RNLS: variants seen among roughly 807,000 people sequenced by gnomAD.
RNLS encodes the protein renalase, FAD dependent amine oxidase.
RNLS carries 39 observed loss-of-function variants against 39.8 expected under a neutral mutation model. That is an observed-to-expected ratio of 0.98 (90% CI 0.76 to 1.28). RNLS has a LOEUF of 1.28. Ranked by LOEUF, RNLS falls within the 50% of genes most tolerant of loss-of-function variation. The probability of loss-of-function intolerance (pLI) is 0.00; values close to 1 mark genes in which losing one functional copy is unlikely to be tolerated. For synonymous variants in RNLS, 147 were observed against 150.7 expected (o/e 0.98, Z 0.18); for missense variants, 410 against 413.3 (o/e 0.99, Z 0.07).
At chr10:88,528,886 G>T (rs1258339608) in intron 4 of RNLS, among the ~76,000 whole-genome samples, 1 of 150,004 alleles carries the variant, frequency 6.7e-6, no homozygotes, top group Admixed American at 6.7e-5. Context: ...GAACTAAGAA[G>T]TAATGTCTCC....
intron 5 of RNLS, among the ~76,000 whole-genome samples, chr10:88,342,535 T>TA (rs905995386): frequency 6.6e-6 from 1 of 152,158 alleles, no homozygotes; most frequent in Non-Finnish European, 1.5e-5. Context: ...GTGCTAGAGA[T>TA]ACAATGATAT....
intron 4 of RNLS, among the ~76,000 whole-genome samples, chr10:88,378,619 C>T (rs976745645): frequency 3.3e-5 from 5 of 152,138 alleles, no homozygotes; most frequent in East Asian, 1.9e-4. Flanking sequence ...AAGTAAGGAA[C>T]GCTGCACAGA....
At chr10:88,359,110 C>T (rs1345464090) in intron 5 of RNLS, among the ~76,000 whole-genome samples, 1 of 152,028 alleles carries the variant, frequency 6.6e-6, no homozygotes, top group African/African-American at 2.4e-5. Flanking sequence ...GTCAGGGGTT[C>T]AAGACCAGAC....
intron 4 of RNLS, among the ~76,000 whole-genome samples, chr10:88,495,317 C>G (rs757830841): frequency 1.4e-4 from 22 of 152,114 alleles, no homozygotes; most frequent in Admixed American, 2.6e-4. Flanking sequence ...GAAAAATAGT[C>G]AATAGAGTCA....
At chr10:88,209,203 T>C in the RNLS span, among the ~76,000 whole-genome samples, 1 of 152,214 alleles carries the variant, frequency 6.6e-6, no homozygotes, top group African/African-American at 2.4e-5. Context: ...CTGTTCTGGG[T>C]TGAATAGGGC....
At chr10:88,400,271 C>CA (rs1852831626) in intron 4 of RNLS, among the ~76,000 whole-genome samples, 1 of 151,974 alleles carries the variant, frequency 6.6e-6, no homozygotes. Flanking sequence ...TACCAATCTA[C>CA]AAGATAGAGT....
At chr10:88,544,320 A>G (rs1848188085) in intron 4 of RNLS, among the ~76,000 whole-genome samples, 1 of 152,186 alleles carries the variant, frequency 6.6e-6, no homozygotes, top group Non-Finnish European at 1.5e-5. Context: ...AAACATCTGC[A>G]TAGTTTTTCC....
rs148804973 is a variant in RNLS, at chr10:88,337,463, G to A, written c.701-22822C>T. On this transcript the variant is annotated intron_variant, in intron 5 of 6. Transcript: ENST00000331772. ...TCCATCCCTCCTGGCCACAGTGACT[G>A]GCTGGATAATGGGTACATAACTAAA... Among the ~76,000 whole-genome samples the A allele has an allele frequency of 2.1e-3, 323 of 152,292 alleles. 2 individuals are homozygous for A. Among genetic ancestry groups the A allele is most frequent in the Admixed American group, 1.2e-3 (18 of 15,304 alleles).
chr10:88,384,743 T>C (rs1851761745), intron 4 of RNLS, among the ~76,000 whole-genome samples: 1 of 152,214 alleles, frequency 6.6e-6, no homozygotes, highest in Non-Finnish European at 1.5e-5. Flanking sequence ...TGGAGAACAG[T>C]TCCCAATTCA....
At position 88,297,315 on chromosome 10, in the gene RNLS, G is replaced by C. The variant is rs144312970; in HGVS notation, c.877-11809C>G. ...TCCTTGCCAGCATTTGTCATCTTCA[G>C]AGTTTCTGATCTGAGCCGTGACTGG... is the stretch of plus-strand genomic sequence containing the variant. On this transcript the variant is annotated intron_variant, in intron 6 of 6. Coordinates refer to ENST00000331772, the MANE Select transcript of RNLS (RefSeq NM_001031709.3). Among the ~76,000 whole-genome samples the C allele has an allele frequency of 4.0e-3, 615 of 152,290 alleles. 5 individuals carry two copies. Among genetic ancestry groups the C allele is most frequent in the African/African-American group, 0.014 (587 of 41,552 alleles).
At chr10:88,257,587 C>G in the RNLS span, among the ~76,000 whole-genome samples, 1 of 152,016 alleles carries the variant, frequency 6.6e-6, no homozygotes, top group Non-Finnish European at 1.5e-5. Flanking sequence ...CAGTCAGTGC[C>G]GATGAATCCC....
At chr10:88,386,348 C>T (rs1330423804) in intron 4 of RNLS, among the ~76,000 whole-genome samples, 1 of 151,872 alleles carries the variant, frequency 6.6e-6, no homozygotes, top group African/African-American at 2.4e-5. Context: ...AACCAAAAGG[C>T]TAAAATTGGT....
intron 5 of RNLS, among the ~76,000 whole-genome samples, chr10:88,323,707 G>C (rs1047129464): frequency 6.6e-5 from 10 of 152,108 alleles, no homozygotes; most frequent in African/African-American, 2.4e-4. Flanking sequence ...AAGAATATAT[G>C]ACTAAGACCT....
At chr10:88,405,980 G>A (rs1448529499) in intron 4 of RNLS, among the ~76,000 whole-genome samples, 1 of 152,008 alleles carries the variant, frequency 6.6e-6, no homozygotes, top group Non-Finnish European at 1.5e-5. Flanking sequence ...CTTCATATAT[G>A]ATGCTTAGTT....
chr10:88,352,678 C>T (rs1848810479), intron 5 of RNLS, among the ~76,000 whole-genome samples: 1 of 152,190 alleles, frequency 6.6e-6, no homozygotes, highest in African/African-American at 2.4e-5. Flanking sequence ...TGTTGTGTCT[C>T]TGCCAGGCTT....
At chr10:88,258,826 G>A in the RNLS span, among the ~76,000 whole-genome samples, 3 of 152,324 alleles carry the variant, frequency 2.0e-5, no homozygotes, top group East Asian at 5.8e-4. Flanking sequence ...CTCTTCTGAT[G>A]TCTGGGTATT....
At chr10:88,285,529 G>T (rs376420088) in intron 6 of RNLS, 23 bp from the exon 7 acceptor site, 1 of 1,602,998 alleles carries the variant, frequency 6.2e-7, no homozygotes, top group East Asian at 2.2e-5. Context: ...AAAGAGGATT[G>T]CAATTGACAT....
intron 5 of RNLS, among the ~76,000 whole-genome samples, chr10:88,338,912 C>A (rs1847718478): frequency 1.3e-5 from 2 of 152,172 alleles, no homozygotes; most frequent in African/African-American, 2.4e-5. Flanking sequence ...CAGGCGCCCG[C>A]CACCATGCCT....
In RNLS at chr10:88,287,059, G is replaced by A. The variant is rs997166415; in HGVS notation, c.877-1553C>T. 7.2e-5 allele frequency among the ~76,000 whole-genome samples: 11 copies of A among 152,224 alleles called. No individual in the cohort carries two copies. The South Asian group carries it at 2.1e-3, about 29-fold the overall frequency. ...CTGTCTTGGCTTCCCAAAGTGTTGGGATTACAGGCATAAGCCACCATGCCT... is the reference window on the plus strand; with the variant it reads ...CTGTCTTGGCTTCCCAAAGTGTTGGAATTACAGGCATAAGCCACCATGCCT... On this transcript the variant is annotated intron_variant, in intron 6 of 6. Transcript: ENST00000331772.
Sources: gnomAD v4.1 joint callset for allele counts (sites outside exome capture counted in the v4.1 genomes callset) on GRCh38, gnomAD v4.1.1 for gene constraint, MANE v1.5 for transcripts, NCBI Gene and HGNC (gene_info 2026-07-23, HGNC 2026-07-21) for gene names.